SYTL3: variants seen among roughly 807,000 people sequenced by gnomAD.
SYTL3 encodes the protein synaptotagmin like 3, also known as synaptotagmin-like protein 3.
Under a neutral mutation model 82.1 loss-of-function variants are expected in SYTL3, and 88 were observed. The ratio of observed to expected loss-of-function variants is 1.07; its 90% confidence interval spans 0.90 to 1.28. The LOEUF is 1.28. SYTL3 is among the 50% of genes most tolerant of loss of function. SYTL3 has a pLI of 0.00. For synonymous variants in SYTL3, 311 were observed against 289.4 expected, an observed-to-expected ratio of 1.07 and a Z score of -0.76; for missense variants, 831 against 757.6, an observed-to-expected ratio of 1.10 and a Z score of -1.14.
intron 11 of SYTL3, among the ~76,000 whole-genome samples, chr6:158,734,310 C>T (rs1785848942): frequency 6.6e-6 from 1 of 152,006 alleles, no homozygotes; most frequent in Non-Finnish European, 1.5e-5. Context: ...CCCAGGGTCC[C>T]ACTAGATTGG....
chr6:158,650,727 G>A (rs1216152675), intron 1 of SYTL3, among the ~76,000 whole-genome samples: 1 of 151,330 alleles, frequency 6.6e-6, no homozygotes, highest in Non-Finnish European at 1.5e-5. Context: ...TAGATCCCTT[G>A]AGATCAGGAA....
intron 2 of SYTL3, among the ~76,000 whole-genome samples, chr6:158,655,044 G>T (rs139634373): frequency 3.3e-5 from 5 of 152,280 alleles, no homozygotes; most frequent in African/African-American, 9.6e-5. Context: ...ACATCATAGA[G>T]CATTTAAGAT....
chr6:158,717,973 T>A (rs1318277023), intron 9 of SYTL3, 114 bp from the exon 10 acceptor site: 3 of 1,056,954 alleles, frequency 2.8e-6, no homozygotes, highest in Non-Finnish European at 3.9e-6. Context: ...CACTTTGCCC[T>A]CTTAAGACCT....
intron 9 of SYTL3, among the ~76,000 whole-genome samples, chr6:158,717,574 A>G (rs1783570996): frequency 6.6e-6 from 1 of 152,152 alleles, no homozygotes; most frequent in Non-Finnish European, 1.5e-5. Context: ...TAAAAATGAA[A>G]CAAATTTGTT....
At chr6:158,672,285 T>C (rs1367109007) in intron 5 of SYTL3, among the ~76,000 whole-genome samples, 1 of 152,100 alleles carries the variant, frequency 6.6e-6, no homozygotes, top group East Asian at 1.9e-4. Context: ...AGCAAGACTG[T>C]CTCAAAAAAA....
intron 6 of SYTL3, among the ~76,000 whole-genome samples, chr6:158,688,279 G>T (rs1245921064): frequency 6.6e-6 from 1 of 152,120 alleles, no homozygotes; most frequent in African/African-American, 2.4e-5. Context: ...TTTTTGGGGG[G>T]TAAATTCTTA....
intron 3 of SYTL3, among the ~76,000 whole-genome samples, chr6:158,662,122 T>G (rs185139396): frequency 6.6e-6 from 1 of 152,150 alleles, no homozygotes; most frequent in East Asian, 1.9e-4. Context: ...ATAATGCAGA[T>G]TTTTTTTGAA....
At chr6:158,763,539 T>C in intron 17 of SYTL3, 30 bp downstream of exon 17, 5 of 1,586,884 alleles carry the variant, frequency 3.2e-6, no homozygotes, top group Non-Finnish European at 4.3e-6. Flanking sequence ...CCCAAACGTT[T>C]ATACTTTGTG....
intron 5 of SYTL3, among the ~76,000 whole-genome samples, chr6:158,667,194 A>T (rs1429625577): frequency 3.9e-5 from 6 of 152,206 alleles, no homozygotes; most frequent in Non-Finnish European, 8.8e-5. Flanking sequence ...TCAAAACAAG[A>T]GGACAAGGTC....
At chr6:158,710,454 C>A (rs1351388005) in intron 8 of SYTL3, among the ~76,000 whole-genome samples, 2 of 151,688 alleles carry the variant, frequency 1.3e-5, no homozygotes, top group Non-Finnish European at 2.9e-5. Flanking sequence ...ATATCAACAT[C>A]TTTATGTACA....
intron 11 of SYTL3, among the ~76,000 whole-genome samples, chr6:158,738,482 C>T (rs556935245): frequency 6.6e-6 from 1 of 152,160 alleles, no homozygotes; most frequent in East Asian, 1.9e-4. Context: ...GGGATCCTGC[C>T]CTCCCCTGCC....
intron 17 of SYTL3, among the ~76,000 whole-genome samples, chr6:158,763,744 C>A (rs1159670447): frequency 6.6e-6 from 1 of 152,170 alleles, no homozygotes; most frequent in East Asian, 1.9e-4. Flanking sequence ...AAATTATAGG[C>A]CTCCAAACGG....
At chr6:158,738,549 A>G (rs1275546895) in intron 11 of SYTL3, among the ~76,000 whole-genome samples, 1 of 152,142 alleles carries the variant, frequency 6.6e-6, no homozygotes, top group Non-Finnish European at 1.5e-5. Context: ...TTCAGCCTCT[A>G]CTTACCTGGA....
At chr6:158,679,373 G>GA (rs370424342) in intron 5 of SYTL3, among the ~76,000 whole-genome samples, 3,969 of 142,730 alleles carry the variant, frequency 0.028, 173 homozygotes, top group African/African-American at 0.094. Flanking sequence ...CTGTCTCAAA[G>GA]AAAAAAAAAA....
At chr6:158,659,601 C>T (rs529455169) in intron 2 of SYTL3, among the ~76,000 whole-genome samples, 55 of 152,278 alleles carry the variant, frequency 3.6e-4, no homozygotes, top group Admixed American at 2.5e-3. Flanking sequence ...TTGATCCGCC[C>T]GCCTCGGCCT....
chr6:158,674,548 C>T (rs1032556436), intron 5 of SYTL3, among the ~76,000 whole-genome samples: 4 of 152,224 alleles, frequency 2.6e-5, no homozygotes, highest in South Asian at 2.1e-4. Flanking sequence ...GAGCGGTTGC[C>T]CACAGAGAGC....
intron 5 of SYTL3, among the ~76,000 whole-genome samples, chr6:158,666,148 T>C (rs1562351506): frequency 6.6e-6 from 1 of 152,208 alleles, no homozygotes; most frequent in Non-Finnish European, 1.5e-5. Context: ...TTCAGATTCA[T>C]TTGGGTCTCT....
intron 13 of SYTL3, 69 bp downstream of exon 13, chr6:158,752,099 C>A: frequency 1.9e-6 from 2 of 1,062,444 alleles, no homozygotes; most frequent in South Asian, 1.8e-5. Context: ...GGGCAGAGTC[C>A]AGTGGATGGT....
intron 11 of SYTL3, among the ~76,000 whole-genome samples, chr6:158,739,708 A>G (rs926497720): frequency 1.3e-5 from 2 of 152,072 alleles, no homozygotes; most frequent in African/African-American, 4.8e-5. Flanking sequence ...AGGAGCACCC[A>G]CTCACTATGT....
Sources: allele counts gnomAD v4.1 joint callset (sites outside exome capture counted in the v4.1 genomes callset), GRCh38; gene constraint gnomAD v4.1.1; transcripts MANE v1.5; gene names NCBI Gene and HGNC (gene_info 2026-07-23, HGNC 2026-07-21).